ANKS1B: variants seen among roughly 807,000 people sequenced by gnomAD.
ANKS1B encodes ankyrin repeat and sterile alpha motif domain-containing protein 1B.
In ANKS1B, 36 loss-of-function variants were observed where a neutral mutation model predicts 148.3. That is an observed-to-expected ratio of 0.24 (90% CI 0.19 to 0.32). The LOEUF (loss-of-function observed/expected upper bound fraction) is 0.32. Ranked by LOEUF, ANKS1B falls within the 10% of genes least tolerant of loss-of-function variation. The pLI is 1.00. For missense variants in ANKS1B, 1,157 were observed against 1,542.6 expected (o/e 0.75, Z 4.19); for synonymous variants, 542 against 560.8 (o/e 0.97, Z 0.47).
intron 1 of ANKS1B, among the ~76,000 whole-genome samples, chr12:99,916,430 G>A (rs1247412315): frequency 3.3e-5 from 5 of 152,128 alleles, no homozygotes; most frequent in Non-Finnish European, 5.9e-5. Flanking sequence ...ATAATAAATG[G>A]AGCCCTGACT....
At chr12:99,310,030 G>T (rs2082921161) in intron 12 of ANKS1B, among the ~76,000 whole-genome samples, 1 of 152,042 alleles carries the variant, frequency 6.6e-6, no homozygotes, top group Non-Finnish European at 1.5e-5. Context: ...TTAGCATTTG[G>T]AAAGCTAGAA....
intron 14 of ANKS1B, among the ~76,000 whole-genome samples, chr12:99,235,853 G>A (rs1198821336): frequency 6.6e-6 from 1 of 152,118 alleles, no homozygotes; most frequent in Non-Finnish European, 1.5e-5. Context: ...AGAGAAACAA[G>A]CAAGGTACTC....
rs34366930 is a variant in ANKS1B, at chr12:98,744,795, ATT to A, written c.*942_*943del. 8.5e-6 allele frequency: 7 copies of A among 827,834 alleles called. No individual in the cohort carries two copies. The African/African-American group carries it at 9.4e-5, about 11-fold the overall frequency. The allele number at this position is 827,834 out of a possible 1,614,324, so 51.3% of individuals were successfully genotyped here. ...GAAATCTTGACAGCAGGAGCACTAG[ATT>A]TTTTTTTTTTTAACATGTTCTTTAA... On this transcript the variant is annotated 3_prime_UTR_variant, in exon 27 of 27. Transcript: ENST00000683438.
chr12:99,902,392 C>G (rs1017015291), intron 1 of ANKS1B, among the ~76,000 whole-genome samples: 4 of 152,162 alleles, frequency 2.6e-5, no homozygotes, highest in African/African-American at 9.7e-5. Context: ...GAAAGCTAAA[C>G]AGAAGCCAGA....
chr12:98,819,396 C>T (rs1208754795), intron 19 of ANKS1B, among the ~76,000 whole-genome samples: 1 of 152,076 alleles, frequency 6.6e-6, no homozygotes, highest in African/African-American at 2.4e-5. Context: ...GAGCTGGAGA[C>T]ATTTAATATA....
At chr12:99,149,502 C>T (rs1459814721) in intron 15 of ANKS1B, among the ~76,000 whole-genome samples, 1 of 152,136 alleles carries the variant, frequency 6.6e-6, no homozygotes, top group Admixed American at 6.6e-5. Flanking sequence ...GTAAAGGCTG[C>T]ATTTTGAACA....
intron 17 of ANKS1B, among the ~76,000 whole-genome samples, chr12:99,008,952 T>A (rs1267262743): frequency 2.0e-5 from 3 of 152,184 alleles, no homozygotes; most frequent in Non-Finnish European, 4.4e-5. Flanking sequence ...AGAAGAATGT[T>A]TGCTAGTATC....
intron 12 of ANKS1B, among the ~76,000 whole-genome samples, chr12:99,255,733 T>C (rs533957265): frequency 3.7e-4 from 56 of 152,268 alleles, no homozygotes; most frequent in African/African-American, 1.2e-3. Context: ...TCATGACTTA[T>C]TTAGAAACGT....
At chr12:98,795,239 GAACT>G (rs1167131189) in intron 22 of ANKS1B, among the ~76,000 whole-genome samples, 3 of 152,108 alleles carry the variant, frequency 2.0e-5, no homozygotes, top group Non-Finnish European at 4.4e-5. Context: ...ATACAACAAG[GAACT>G]AACAATTTGT....
At chr12:99,184,056 T>A (rs930590142) in intron 14 of ANKS1B, among the ~76,000 whole-genome samples, 1 of 152,208 alleles carries the variant, frequency 6.6e-6, no homozygotes, top group Non-Finnish European at 1.5e-5. Flanking sequence ...CTCAAATGGG[T>A]AATCTGGATA....
chr12:99,071,654 T>G (rs1479948340), intron 16 of ANKS1B, among the ~76,000 whole-genome samples: 1 of 152,004 alleles, frequency 6.6e-6, no homozygotes, highest in African/African-American at 2.4e-5. Flanking sequence ...CTTTTTTTTT[T>G]TTTTGTTTTT....
intron 9 of ANKS1B, among the ~76,000 whole-genome samples, chr12:99,623,345 T>C (rs2098077061): frequency 1.3e-5 from 2 of 151,932 alleles, no homozygotes; most frequent in Non-Finnish European, 2.9e-5. Flanking sequence ...AGAACTGGAA[T>C]CATACAATAA....
intron 9 of ANKS1B, among the ~76,000 whole-genome samples, chr12:99,519,086 C>A (rs2096850455): frequency 6.6e-6 from 1 of 151,950 alleles, no homozygotes; most frequent in Non-Finnish European, 1.5e-5. Flanking sequence ...AGAGAAAATG[C>A]TTAATATTAT....
intron 1 of ANKS1B, among the ~76,000 whole-genome samples, chr12:99,897,824 G>A (rs1213697429): frequency 4.8e-5 from 7 of 145,078 alleles, no homozygotes; most frequent in African/African-American, 7.6e-5. Context: ...AGTTCTAAAC[G>A]AGGACATAAA....
intron 14 of ANKS1B, among the ~76,000 whole-genome samples, chr12:99,160,473 G>T (rs1334808176): frequency 8.0e-5 from 12 of 149,886 alleles, no homozygotes; most frequent in Non-Finnish European, 1.6e-4. Context: ...CGAGTAGCTG[G>T]AACTACAGGC....
At chr12:99,124,750 G>T (rs530808425) in intron 15 of ANKS1B, among the ~76,000 whole-genome samples, 2 of 152,122 alleles carry the variant, frequency 1.3e-5, no homozygotes, top group Non-Finnish European at 2.9e-5. Flanking sequence ...CAAAAGGAGA[G>T]AATGAGAAGG....
chr12:99,335,678 C>G (rs539697404), intron 12 of ANKS1B, among the ~76,000 whole-genome samples: 12 of 152,122 alleles, frequency 7.9e-5, no homozygotes, highest in Non-Finnish European at 1.5e-4. Flanking sequence ...ATGACAGGAT[C>G]TTATTATTTT....
intron 17 of ANKS1B, among the ~76,000 whole-genome samples, chr12:98,987,736 G>A (rs1340331233): frequency 6.6e-6 from 1 of 152,062 alleles, no homozygotes; most frequent in Non-Finnish European, 1.5e-5. Context: ...GAGCTGTTTT[G>A]GGACCCTTTG....
chr12:99,746,708 G>C (rs927241480), intron 8 of ANKS1B, among the ~76,000 whole-genome samples: 1 of 152,088 alleles, frequency 6.6e-6, no homozygotes. Context: ...TGACTGTATT[G>C]GAAAGTCACA....
Sources: allele counts gnomAD v4.1 joint callset (sites outside exome capture counted in the v4.1 genomes callset), GRCh38; gene constraint gnomAD v4.1.1; transcripts MANE v1.5; gene names NCBI Gene and HGNC (gene_info 2026-07-23, HGNC 2026-07-21).